The following SEPTIN7 variants were observed in gnomAD, a reference collection of about 807,000 sequenced individuals.
SEPTIN7 encodes septin 7.
Under a neutral mutation model 63.3 loss-of-function variants are expected in SEPTIN7, and 10 were observed. That is an observed-to-expected ratio of 0.16 (90% CI 0.10 to 0.27). The LOEUF is 0.27. Ranked by LOEUF, SEPTIN7 falls within the 10% of genes least tolerant of loss-of-function variation. The pLI is 1.00. For missense variants in SEPTIN7, 310 were observed against 521.0 expected (o/e 0.59, Z 3.94); for synonymous variants, 131 against 165.3 (o/e 0.79, Z 1.59).
At chr7:35,890,619 T>A (rs190066694) in intron 10 of SEPTIN7, 49 bp from the exon 11 acceptor site, 194 of 1,360,004 alleles carry the variant, frequency 1.4e-4, no homozygotes, top group Non-Finnish European at 1.8e-4. Flanking sequence ...TAAGCTTTTT[T>A]CCCCCTAGCT....
chr7:35,859,931 T>G (rs1171850156), intron 3 of SEPTIN7, among the ~76,000 whole-genome samples: 1 of 152,190 alleles, frequency 6.6e-6, no homozygotes, highest in Non-Finnish European at 1.5e-5. Context: ...TTATCTATTA[T>G]GACATTCTGT....
chr7:35,872,852 C>G, intron 5 of SEPTIN7, 86 bp downstream of exon 5: 2 of 897,674 alleles, frequency 2.2e-6, no homozygotes, highest in Non-Finnish European at 1.8e-6. Context: ...TTTAAAACTT[C>G]TCATCTTAGC....
At chr7:35,914,331 A>G in the SEPTIN7 span, among the ~76,000 whole-genome samples, 139 of 152,296 alleles carry the variant, frequency 9.1e-4, 1 homozygote, top group African/African-American at 3.2e-3. Flanking sequence ...GTTTTTGTAA[A>G]GGTATTATTT....
Position 35,872,819 on chromosome 7 carries a change from G to T in SEPTIN7, c.377+53G>T, listed in dbSNP as rs1786236451. 7 of 1,212,820 alleles carry T rather than the reference G, an allele frequency of 5.8e-6. No individual in the cohort carries two copies. The Middle Eastern group carries it at 1.2e-3, about 200-fold the overall frequency. 75.1% of individuals were successfully genotyped at this position (1,212,820 alleles called of 1,614,324 possible). On this transcript the variant is annotated intron_variant, in intron 5 of 13. Coordinates refer to ENST00000350320, the MANE Select transcript of SEPTIN7 (RefSeq NM_001788.6). ...GCAGTGCATTTGGGGTACTGGGGTGGTTAAACTTTTTCTTCTTAACATTTT... is the reference window on the plus strand; with the variant it reads ...GCAGTGCATTTGGGGTACTGGGGTGTTTAAACTTTTTCTTCTTAACATTTT...
chr7:35,827,123 A>G (rs1385510307), intron 1 of SEPTIN7, among the ~76,000 whole-genome samples: 1 of 152,202 alleles, frequency 6.6e-6, no homozygotes, highest in African/African-American at 2.4e-5. Context: ...AACATCTAAA[A>G]GATTTTGTAA....
At chr7:35,889,408 G>T (rs1787497779) in intron 10 of SEPTIN7, among the ~76,000 whole-genome samples, 1 of 152,182 alleles carries the variant, frequency 6.6e-6, no homozygotes, top group South Asian at 2.1e-4. Flanking sequence ...GAATTGCATG[G>T]AAATGTCAGT....
intron 6 of SEPTIN7, among the ~76,000 whole-genome samples, chr7:35,878,382 G>A (rs531115831): frequency 6.6e-6 from 1 of 152,250 alleles, no homozygotes; most frequent in African/African-American, 2.4e-5. Flanking sequence ...CAGAAAGGCT[G>A]GCACATTGGA....
At chr7:35,851,543 G>C (rs1392449545) in intron 3 of SEPTIN7, among the ~76,000 whole-genome samples, 1 of 152,036 alleles carries the variant, frequency 6.6e-6, no homozygotes, top group Non-Finnish European at 1.5e-5. Flanking sequence ...TCTTAAGCCA[G>C]TATATATATT....
Position 35,905,899 on chromosome 7 carries a change from AAATT to A in SEPTIN7, c.*1614_*1617del, listed in dbSNP as rs760649704. ...TAATGTAATGCATAATTTAGGTAAG[AAATT>A]AATTAATGTAGCCTAGTTTATTATC... On this transcript the variant is annotated 3_prime_UTR_variant, in exon 14 of 14. Coordinates refer to ENST00000350320, the MANE Select transcript of SEPTIN7 (RefSeq NM_001788.6). 2.3e-4 allele frequency: 35 copies of A among 152,232 alleles called. No homozygotes were observed. Among genetic ancestry groups the A allele is most frequent in the African/African-American group, 4.1e-4 (17 of 41,454 alleles). 9.4% of individuals were successfully genotyped at this position (152,232 alleles called of 1,614,324 possible).
At chr7:35,867,569 C>T (rs1220255445) in intron 4 of SEPTIN7, among the ~76,000 whole-genome samples, 4 of 151,958 alleles carry the variant, frequency 2.6e-5, no homozygotes, top group Non-Finnish European at 2.9e-5. Flanking sequence ...AGGCTGGTCT[C>T]GAACTCCTGA....
chr7:35,886,680 G>A (rs1787270862), intron 10 of SEPTIN7, among the ~76,000 whole-genome samples: 1 of 152,088 alleles, frequency 6.6e-6, no homozygotes, highest in African/African-American at 2.4e-5. Flanking sequence ...TTAGATGTCT[G>A]TCTTTAGTTG....
chr7:35,915,136 CATATACACATGTATACATGTGTACATAT>C, the SEPTIN7 span, among the ~76,000 whole-genome samples: 4 of 151,156 alleles, frequency 2.6e-5, no homozygotes, highest in Non-Finnish European at 2.9e-5. Context: ...TATATACATG[CATATACACATGTATACATGTGTACATAT>C]ATATACACAC....
intron 6 of SEPTIN7, among the ~76,000 whole-genome samples, chr7:35,876,628 C>T (rs775198124): frequency 6.6e-6 from 1 of 152,048 alleles, no homozygotes; most frequent in Non-Finnish European, 1.5e-5. Flanking sequence ...TTGCTTGAGG[C>T]CACAGACTAG....
chr7:35,850,926 A>G (rs1784925435), intron 3 of SEPTIN7, among the ~76,000 whole-genome samples: 1 of 152,206 alleles, frequency 6.6e-6, no homozygotes, highest in African/African-American at 2.4e-5. Context: ...TGAGATGCTG[A>G]GTAAAACAAA....
chr7:35,856,888 A>G (rs1327149893), intron 3 of SEPTIN7, among the ~76,000 whole-genome samples: 1 of 152,232 alleles, frequency 6.6e-6, no homozygotes, highest in Admixed American at 6.5e-5. Context: ...AGTTAAATAT[A>G]AAGTTCTCAA....
At chr7:35,880,561 GT>G (rs1211031892) in intron 7 of SEPTIN7, among the ~76,000 whole-genome samples, 1 of 151,758 alleles carries the variant, frequency 6.6e-6, no homozygotes, top group Non-Finnish European at 1.5e-5. Context: ...TTTTTGACCA[GT>G]AGTACTTGGT....
At chr7:35,801,542 C>T (rs1787972623) in intron 1 of SEPTIN7, among the ~76,000 whole-genome samples, 1 of 151,226 alleles carries the variant, frequency 6.6e-6, no homozygotes, top group Non-Finnish European at 1.5e-5. Context: ...CGGCGCAGAG[C>T]CGCGGCCTCC....
intron 2 of SEPTIN7, chr7:35,831,797 A>T (rs1404954937): frequency 1.2e-5 from 3 of 243,472 alleles, no homozygotes; most frequent in African/African-American, 7.1e-5. Context: ...TAGCTACATG[A>T]CTAGTAAACA....
At chr7:35,909,395 C>T (rs761353083), downstream of SEPTIN7, among the ~76,000 whole-genome samples, 43 of 152,100 alleles carry the variant, frequency 2.8e-4, no homozygotes, top group Non-Finnish European at 5.1e-4. Context: ...GAATGGAGGC[C>T]GCTGATAAAA....
Sources: gnomAD v4.1 joint callset for allele counts (sites outside exome capture counted in the v4.1 genomes callset) on GRCh38, gnomAD v4.1.1 for gene constraint, MANE v1.5 for transcripts, NCBI Gene and HGNC (gene_info 2026-07-23, HGNC 2026-07-21) for gene names.